FBN2: variants seen among roughly 807,000 people sequenced by gnomAD.
The protein encoded by FBN2 is fibrillin 2.
Under a neutral mutation model 355.6 loss-of-function variants are expected in FBN2, and 105 were observed. That is an observed-to-expected ratio of 0.30 (90% CI 0.25 to 0.35). The LOEUF (loss-of-function observed/expected upper bound fraction) is 0.35, where lower values mean the gene tolerates loss of function less well. Among genes scored for constraint, FBN2 ranks in the 10% least tolerant of loss-of-function variants. The pLI, the probability that FBN2 is intolerant of heterozygous loss-of-function variation, is 1.00. For synonymous variants in FBN2, 1,350 were observed against 1,301.2 expected (o/e 1.04, Z -0.81); for missense variants, 3,280 against 3,758.7 (o/e 0.87, Z 3.33).
intron 5 of FBN2, among the ~76,000 whole-genome samples, chr5:128,490,503 C>A (rs957488014): frequency 6.6e-6 from 1 of 152,086 alleles, no homozygotes; most frequent in Non-Finnish European, 1.5e-5. Flanking sequence ...CCTCTATAAT[C>A]GAAAAAGTTT....
At chr5:128,284,280 C>A (rs1373915948) in intron 55 of FBN2, among the ~76,000 whole-genome samples, 1 of 152,162 alleles carries the variant, frequency 6.6e-6, no homozygotes, top group African/African-American at 2.4e-5. Flanking sequence ...CATGAGGAAT[C>A]TGAGGCACAT....
At chr5:128,530,507 A>G in intron 3 of FBN2, 88 bp downstream of exon 3, 2 of 864,816 alleles carry the variant, frequency 2.3e-6, no homozygotes, top group Non-Finnish European at 3.9e-6. Flanking sequence ...AATAACAGTT[A>G]AAACTCCCTG....
In FBN2 at chr5:128,344,483, C is replaced by A; in HGVS notation, c.3245G>T (p.Gly1082Val). 1 of 1,613,436 alleles carries A rather than the reference C, an allele frequency of 6.2e-7. No individual in the cohort carries two copies. Among genetic ancestry groups the A allele is most frequent in the African/African-American group, 1.3e-5 (1 of 75,008 alleles). ...TCTGCACTTCCCATAAGTGCACATC[C>A]CAGGAAATGCTTTGCATTCATTGAT... ...KDINECKAFP[G>V]MCTYGKCRNT... The change falls in exon 25 of 65, where the codon GGG becomes GTG. Residue 1082 changes from glycine (G) to valine (V), a missense_variant. Coordinates refer to ENST00000262464, the MANE Select transcript of FBN2 (RefSeq NM_001999.4).
At chr5:128,479,977 T>TCC in intron 5 of FBN2, among the ~76,000 whole-genome samples, 1 of 15,106 alleles carries the variant, frequency 6.6e-5, no homozygotes, top group African/African-American at 2.6e-4. Flanking sequence ...TCTCTCTCTC[T>TCC]ATATATATAT....
intron 6 of FBN2, among the ~76,000 whole-genome samples, chr5:128,449,818 T>C (rs891291895): frequency 6.6e-6 from 1 of 151,938 alleles, no homozygotes; most frequent in African/African-American, 2.4e-5. Context: ...TCCTTTGACA[T>C]CTTAAAAAGT....
intron 5 of FBN2, among the ~76,000 whole-genome samples, chr5:128,507,858 A>T (rs539155695): frequency 1.3e-5 from 2 of 152,130 alleles, no homozygotes; most frequent in African/African-American, 4.8e-5. Context: ...ACTCTCAATT[A>T]TTGAGAGGGG....
In FBN2 at chr5:128,274,692, A is replaced by G; in HGVS notation, c.7595-9T>C. On this transcript the variant is annotated splice_polypyrimidine_tract_variant and intron_variant, in intron 59 of 64. Transcript: ENST00000262464. The stretch of plus-strand genomic sequence containing the variant: ...TTGACATTCATCAAGGTCTGAAATT[A>G]GAGAGAAGCCAGTGAAAATCACAGT... The G allele has an allele frequency of 6.5e-7, 1 of 1,531,400 alleles. No homozygotes were observed. The highest frequency in any genetic ancestry group is 9.1e-7 in the Non-Finnish European group (1 of 1,104,548). The allele number at this position is 1,531,400 out of a possible 1,614,324, so 94.9% of individuals were successfully genotyped here. A position where few individuals can be genotyped will look rare whatever the true frequency, so the allele number is the denominator to read the frequency against.
chr5:128,497,574 A>G (rs897127742), intron 5 of FBN2, among the ~76,000 whole-genome samples: 3 of 152,212 alleles, frequency 2.0e-5, no homozygotes, highest in Admixed American at 2.0e-4. Flanking sequence ...CTCCAGGCAC[A>G]GGTAATTCAA....
rs1159791516 is a variant in FBN2, at chr5:128,350,054, A to G, written c.2813-49T>C. ...TTACTTCATTATAGAATAAAATACA[A>G]CCATGGTATGCTCAAGAAGAAGTAT... On this transcript the variant is annotated intron_variant, in intron 21 of 64. Transcript: ENST00000262464. The G allele has an allele frequency of 5.0e-6, 7 of 1,408,676 alleles. No individual in the cohort carries two copies. The African/African-American group carries it at 9.9e-5, about 20-fold the overall frequency. The allele number at this position is 1,408,676 out of a possible 1,614,324, so 87.3% of individuals were successfully genotyped here.
At chr5:128,526,354 A>G (rs1007010647) in intron 4 of FBN2, among the ~76,000 whole-genome samples, 6 of 152,150 alleles carry the variant, frequency 3.9e-5, no homozygotes, top group Non-Finnish European at 1.5e-5. Flanking sequence ...ATTTCAAAAA[A>G]TTAATAATAC....
At chr5:128,337,422 AG>A (rs1750871734) in intron 27 of FBN2, among the ~76,000 whole-genome samples, 1 of 152,248 alleles carries the variant, frequency 6.6e-6, no homozygotes, top group African/African-American at 2.4e-5. Context: ...CCAGTATACT[AG>A]GAACATAGTA....
At chr5:128,391,140 T>C (rs879837809) in intron 11 of FBN2, among the ~76,000 whole-genome samples, 1 of 152,224 alleles carries the variant, frequency 6.6e-6, no homozygotes, top group Non-Finnish European at 1.5e-5. Flanking sequence ...TTTCAGATTC[T>C]ACATGGTTAA....
chr5:128,420,956 T>C (rs1283269159), intron 7 of FBN2, among the ~76,000 whole-genome samples: 1 of 152,186 alleles, frequency 6.6e-6, no homozygotes, highest in Non-Finnish European at 1.5e-5. Flanking sequence ...GATATAGTTA[T>C]TGATTGATAA....
rs749460061 is a variant in FBN2, at chr5:128,303,104, A to G, written c.5801-15T>C. On this transcript the variant is annotated splice_polypyrimidine_tract_variant and intron_variant, in intron 45 of 64. Coordinates refer to ENST00000262464, the MANE Select transcript of FBN2 (RefSeq NM_001999.4). ...CTCATCAACATCTATAAAGAAATAT[A>G]GGCTCAAAAAATTCAATTTTTAACT... 1.3e-6 allele frequency: 2 copies of G among 1,514,088 alleles called. No individual in the cohort carries two copies. The highest frequency in any genetic ancestry group is 1.7e-5 in the Admixed American group (1 of 59,862). The allele number at this position is 1,514,088 out of a possible 1,614,324, so 93.8% of individuals were successfully genotyped here. A position where few individuals can be genotyped will look rare whatever the true frequency, so the allele number is the denominator to read the frequency against.
chr5:128,259,603 A>G lies in FBN2; in HGVS notation c.8591T>C (p.Met2864Thr). ...GATTTCCAGTGTGTATGTGCCGGGC[A>G]TGAGCTTCTTCTTGGCCGTGTGCAA... The part of the protein sequence containing the change: ...SYLHTAKKKL[M>T]PGTYTLEITS... Residue 2864 changes from methionine (M) to threonine (T), a missense_variant, in exon 65 of 65, where the codon ATG (methionine) becomes ACG (threonine). Physicochemically the swap from Met to Thr is moderately conservative, Grantham distance 81. This residue lies in a region of FBN2 where 311 missense variants were observed against 319.1 expected (regional missense o/e 0.97). Coordinates refer to ENST00000262464, the MANE Select transcript of FBN2 (RefSeq NM_001999.4). 1 of 1,614,082 alleles carries G rather than the reference A, an allele frequency of 6.2e-7. No individual in the cohort carries two copies. Among genetic ancestry groups the G allele is most frequent in the East Asian group, 2.2e-5 (1 of 44,860 alleles).
intron 7 of FBN2, among the ~76,000 whole-genome samples, chr5:128,434,968 C>A (rs1753736912): frequency 6.6e-6 from 1 of 152,050 alleles, no homozygotes; most frequent in Non-Finnish European, 1.5e-5. Context: ...TCATCTTTAG[C>A]AGACACTGAA....
intron 64 of FBN2, among the ~76,000 whole-genome samples, chr5:128,260,825 C>A (rs1228199757): frequency 1.3e-5 from 2 of 152,148 alleles, no homozygotes; most frequent in Non-Finnish European, 2.9e-5. Context: ...ACACAGCCAG[C>A]CAGTTGTTGA....
Position 128,351,003 on chromosome 5 carries a change from T to C in FBN2, c.2677A>G (p.Ser893Gly), listed in dbSNP as rs779443392. Residue 893 changes from serine to glycine, a missense_variant and splice_region_variant, in exon 21 of 65, where the codon AGC becomes GGC. Transcript: ENST00000262464. ...TTGAGCCAACAGGTCCCCTTCAGGC[T>C]GTCTGAAAAGGAACAGGAAAGGTTG... Reference protein sequence around the residue: ...LSSTGLICIDSLKGTCWLNIQ... With the variant: ...LSSTGLICIDGLKGTCWLNIQ... 6.2e-7 allele frequency: 1 copy of C among 1,614,200 alleles called. No homozygotes were observed. Among genetic ancestry groups the C allele is most frequent in the South Asian group, 1.1e-5 (1 of 91,086 alleles).
intron 37 of FBN2, 93 bp downstream of exon 37, chr5:128,312,541 C>G (rs1009357522): frequency 6.9e-7 from 1 of 1,442,286 alleles, no homozygotes; most frequent in African/African-American, 1.4e-5. Context: ...TTTGTCCTCA[C>G]TAAACACTCC....
Sources: allele counts gnomAD v4.1 joint callset (sites outside exome capture counted in the v4.1 genomes callset), GRCh38; gene constraint gnomAD v4.1.1; regional missense constraint gnomAD v4.1.1; transcripts MANE v1.5; gene names NCBI Gene and HGNC (gene_info 2026-07-23, HGNC 2026-07-21).